CDH20: variants seen among roughly 807,000 people sequenced by gnomAD.
CDH20 encodes cadherin-20.
A neutral mutation model predicts 74.2 loss-of-function variants in CDH20; 29 were observed. That is an observed-to-expected ratio of 0.39 (90% CI 0.29 to 0.53). The LOEUF is 0.53. CDH20 is among the 20% of genes least tolerant of loss of function. CDH20 has a pLI of 0.69. For missense variants in CDH20, 988 were observed against 1,048.3 expected, an observed-to-expected ratio of 0.94 and a Z score of 0.79; for synonymous variants, 469 against 405.4, an observed-to-expected ratio of 1.16 and a Z score of -1.88.
chr18:61,545,544 G>C (rs1017427069), intron 10 of CDH20, among the ~76,000 whole-genome samples: 1 of 152,166 alleles, frequency 6.6e-6, no homozygotes, highest in Non-Finnish European at 1.5e-5. Flanking sequence ...GCAAAGCACA[G>C]AGGCAAAATC....
At chr18:61,411,762 G>C (rs1032546208) in intron 1 of CDH20, among the ~76,000 whole-genome samples, 1 of 152,076 alleles carries the variant, frequency 6.6e-6, no homozygotes, top group African/African-American at 2.4e-5. Context: ...TTCAGGAATG[G>C]AAAACCAAAT....
chr18:61,346,221 C>T (rs1438211350), intron 1 of CDH20, among the ~76,000 whole-genome samples: 3 of 152,200 alleles, frequency 2.0e-5, no homozygotes, highest in Non-Finnish European at 4.4e-5. Flanking sequence ...AGAGGAATTG[C>T]ATCGTTATGA....
chr18:61,448,592 C>T (rs1038056474), intron 1 of CDH20, among the ~76,000 whole-genome samples: 1 of 152,168 alleles, frequency 6.6e-6, no homozygotes, highest in Non-Finnish European at 1.5e-5. Context: ...TACAGTCAGT[C>T]ACCTGAGCCT....
At position 61,353,549 on chromosome 18, in the gene CDH20, G is replaced by C; in HGVS notation, c.-153+19722G>C. ...TATAGACACAGCTTTACTTGCTTTTGAATATCCGACAGTGTGTATCACAGT... is the reference window on the plus strand; with the variant it reads ...TATAGACACAGCTTTACTTGCTTTTCAATATCCGACAGTGTGTATCACAGT... On this transcript the variant is annotated intron_variant, in intron 1 of 11. Coordinates refer to ENST00000262717, the MANE Select transcript of CDH20 (RefSeq NM_031891.4). The surrounding 1 kb of genome is among the most constrained non-coding windows in gnomAD (Gnocchi z 4.6). Among the ~76,000 whole-genome samples, 1 of 152,144 alleles carries C rather than the reference G, an allele frequency of 6.6e-6. No individual in the cohort carries two copies. The highest frequency in any genetic ancestry group is 1.9e-4 in the East Asian group (1 of 5,192).
rs1301599165 is a variant in CDH20, at chr18:61,545,164, G to C, written c.1648+20G>C. ...ACCAAGGTAATCAGGTGGATGGTTGGCTATCTGTGCTTTTCTACAGCATAG... is the reference window on the plus strand; with the variant it reads ...ACCAAGGTAATCAGGTGGATGGTTGCCTATCTGTGCTTTTCTACAGCATAG... On this transcript the variant is annotated intron_variant, in intron 10 of 11. Transcript: ENST00000262717. 2 of 1,495,858 alleles carry C rather than the reference G, an allele frequency of 1.3e-6. No individual in the cohort carries two copies. Among genetic ancestry groups the C allele is most frequent in the African/African-American group, 1.4e-5 (1 of 72,602 alleles). The allele number at this position is 1,495,858 out of a possible 1,614,324, so 92.7% of individuals were successfully genotyped here. A position where few individuals can be genotyped will look rare whatever the true frequency, so the allele number is the denominator to read the frequency against.
intron 1 of CDH20, among the ~76,000 whole-genome samples, chr18:61,465,426 A>G (rs1216768497): frequency 1.3e-5 from 2 of 152,228 alleles, no homozygotes; most frequent in South Asian, 2.1e-4. Context: ...TTTTGCTAGT[A>G]GCACACATAC....
intron 1 of CDH20, among the ~76,000 whole-genome samples, chr18:61,378,560 T>C (rs2144174140): frequency 6.6e-6 from 1 of 152,300 alleles, no homozygotes; most frequent in African/African-American, 2.4e-5. Flanking sequence ...ACATCCTCTT[T>C]ACTCAGTCTA....
chr18:61,489,095 A>C (rs1337877538), intron 1 of CDH20, among the ~76,000 whole-genome samples: 1 of 152,248 alleles, frequency 6.6e-6, no homozygotes, highest in Non-Finnish European at 1.5e-5. Context: ...TGCTACAAAA[A>C]TTCTATAGTC....
intron 1 of CDH20, among the ~76,000 whole-genome samples, chr18:61,469,570 A>G (rs899084496): frequency 1.3e-5 from 2 of 152,160 alleles, no homozygotes; most frequent in African/African-American, 4.8e-5. Context: ...ACAGGATACA[A>G]CCTTGGTTGT....
chr18:61,404,910 G>A (rs529062715), intron 1 of CDH20: 331 of 686,738 alleles, frequency 4.8e-4, no homozygotes, highest in Non-Finnish European at 7.9e-4. Flanking sequence ...AGAATCACCT[G>A]GATCAATGAT....
At chr18:61,550,511 C>A (rs1253443083) in intron 11 of CDH20, among the ~76,000 whole-genome samples, 1 of 152,192 alleles carries the variant, frequency 6.6e-6, no homozygotes, top group Non-Finnish European at 1.5e-5. Context: ...AAGTCCTGGC[C>A]TTCCTGAGTT....
At chr18:61,502,535 A>G (rs566677938) in intron 4 of CDH20, among the ~76,000 whole-genome samples, 19 of 152,342 alleles carry the variant, frequency 1.2e-4, no homozygotes, top group African/African-American at 4.3e-4. Flanking sequence ...GGGGCTGAAG[A>G]AACTGAGGGA....
intron 1 of CDH20, among the ~76,000 whole-genome samples, chr18:61,451,572 G>A (rs1909388214): frequency 6.6e-6 from 1 of 152,056 alleles, no homozygotes; most frequent in African/African-American, 2.4e-5. Flanking sequence ...CTGATTTAGT[G>A]CTGAAGCTGA....
At chr18:61,415,103 C>G (rs1046324041) in intron 1 of CDH20, among the ~76,000 whole-genome samples, 2 of 152,000 alleles carry the variant, frequency 1.3e-5, no homozygotes, top group African/African-American at 4.8e-5. Context: ...ATATATGTAA[C>G]CTCTTTTGTG....
chr18:61,397,738 G>C lies in CDH20; in HGVS notation c.-153+63911G>C, dbSNP rs762836038. ...ATCTCAGCTCTGCCACTTACTAGCC[G>C]TGTAACCTTAGGCAAGTTACTCAAC... On this transcript the variant is annotated intron_variant, in intron 1 of 11. Transcript: ENST00000262717. Among the ~76,000 whole-genome samples, 4 of 152,130 alleles carry C rather than the reference G, an allele frequency of 2.6e-5. 1 individual carries two copies. Among genetic ancestry groups the C allele is most frequent in the Non-Finnish European group, 5.9e-5 (4 of 68,040 alleles).
intron 1 of CDH20, among the ~76,000 whole-genome samples, chr18:61,464,606 G>A (rs8086114): frequency 0.029 from 4,342 of 152,270 alleles, 189 homozygotes; most frequent in African/African-American, 0.098. Context: ...GCAGGGTAGA[G>A]CTTGCTGCAG....
intron 1 of CDH20, among the ~76,000 whole-genome samples, chr18:61,389,845 C>T (rs1831673936): frequency 6.6e-6 from 1 of 152,162 alleles, no homozygotes; most frequent in Admixed American, 6.5e-5. Flanking sequence ...TACAGTCCAC[C>T]TACTTTCACC....
rs1247019905 is a variant in CDH20, at chr18:61,554,465, G to GTGC, written c.2179_2181dup (p.Leu727dup). On this transcript the variant is annotated inframe_insertion, in exon 12 of 12. Coordinates refer to ENST00000262717, the MANE Select transcript of CDH20 (RefSeq NM_031891.4). ...AGTGAACAGCACTGTCCACAGCTAC[G>GTGC]TGCTGGCCAAGCTCTACGAGGCCGA... The GTGC allele has an allele frequency of 2.5e-6, 4 of 1,613,140 alleles. No individual in the cohort carries two copies. The African/African-American group carries it at 5.3e-5, about 22-fold the overall frequency.
At chr18:61,442,246 G>C (rs1362604695) in intron 1 of CDH20, among the ~76,000 whole-genome samples, 1 of 151,864 alleles carries the variant, frequency 6.6e-6, no homozygotes, top group Non-Finnish European at 1.5e-5. Context: ...AGCTACTTGG[G>C]AGACTGAGGC....
Sources: gnomAD v4.1 joint callset for allele counts (sites outside exome capture counted in the v4.1 genomes callset) on GRCh38, gnomAD v4.1.1 for gene constraint, Gnocchi (gnomAD v3.1) non-coding constraint, MANE v1.5 for transcripts, NCBI Gene and HGNC (gene_info 2026-07-23, HGNC 2026-07-21) for gene names.